RUFY3: variants seen among roughly 807,000 people sequenced by gnomAD.
RUFY3 encodes the protein RUN and FYVE domain containing 3.
Under a neutral mutation model 84.0 loss-of-function variants are expected in RUFY3, and 34 were observed. The ratio of observed to expected loss-of-function variants is 0.40; its 90% CI spans 0.31 to 0.54. RUFY3 has a LOEUF of 0.54. RUFY3 is among the 20% of genes least tolerant of loss of function. The probability of loss-of-function intolerance (pLI) is 0.39; values close to 1 mark genes in which losing one functional copy is unlikely to be tolerated. For synonymous variants in RUFY3, 242 were observed against 252.9 expected, an observed-to-expected ratio of 0.96 and a Z score of 0.41; for missense variants, 507 against 736.8, an observed-to-expected ratio of 0.69 and a Z score of 3.61.
chr4:70,756,772 A>T (rs1203525690), intron 1 of RUFY3, among the ~76,000 whole-genome samples: 1 of 152,172 alleles, frequency 6.6e-6, no homozygotes, highest in Non-Finnish European at 1.5e-5. Flanking sequence ...TATCCTGTAT[A>T]TACCATTGTT....
At chr4:70,727,702 G>A (rs1056028833) in intron 1 of RUFY3, among the ~76,000 whole-genome samples, 8 of 149,928 alleles carry the variant, frequency 5.3e-5, no homozygotes, top group African/African-American at 1.5e-4. Flanking sequence ...CAGGAGAATC[G>A]CTTGAACCCA....
chr4:70,806,611 T>A lies in RUFY3; in HGVS notation c.1815T>A (p.Asn605Lys). The A allele has an allele frequency of 6.2e-7, 1 of 1,614,152 alleles. No individual in the cohort carries two copies. Among genetic ancestry groups the A allele is most frequent in the South Asian group, 1.1e-5 (1 of 91,086 alleles). Residue 605 changes from asparagine to lysine, a missense_variant, in exon 18 of 18, where the codon AAT becomes AAA. Transcript: ENST00000381006. The part of the protein sequence containing the change: ...PSSIKLERVC[N>K]PCHKHLMKQY... ...GTATCAAGCTTGAGCGAGTTTGCAA[T>A]CCCTGTCACAAGCATCTGATGAAGC...
intron 12 of RUFY3, chr4:70,791,192 C>A: frequency 6.4e-7 from 1 of 1,574,434 alleles, no homozygotes. Context: ...TCTCATTCTC[C>A]TTTCACTTCA....
Position 70,722,375 on chromosome 4 carries a change from A to G in RUFY3, c.-199A>G. On this transcript the variant is annotated 5_prime_UTR_variant, in exon 1 of 18. Coordinates refer to ENST00000381006, the MANE Select transcript of RUFY3 (RefSeq NM_001037442.4). ...TCTATAAGATAGTGTAGAATTGTTT[A>G]TCTTGAGCAGTTTGTTCTTAACCTA... The G allele has an allele frequency of 2.3e-6, 3 of 1,322,922 alleles. No individual in the cohort carries two copies. The highest frequency in any genetic ancestry group is 2.9e-6 in the Non-Finnish European group (3 of 1,036,646). The allele number at this position is 1,322,922 out of a possible 1,614,324, so 81.9% of individuals were successfully genotyped here.
intron 1 of RUFY3, chr4:70,741,814 A>T (rs1721364103): frequency 1.7e-6 from 1 of 594,294 alleles, no homozygotes; most frequent in Non-Finnish European, 2.6e-6. Flanking sequence ...TGGAAATCTT[A>T]ATGTTTTGGT....
intron 17 of RUFY3, among the ~76,000 whole-genome samples, chr4:70,806,166 G>T (rs1242167676): frequency 1.3e-5 from 2 of 152,144 alleles, no homozygotes; most frequent in African/African-American, 2.4e-5. Flanking sequence ...CTCTTTCACT[G>T]CCTTATTTGG....
chr4:70,741,898 G>T (rs1407789025), intron 1 of RUFY3, among the ~76,000 whole-genome samples: 3 of 152,154 alleles, frequency 2.0e-5, no homozygotes, highest in Non-Finnish European at 4.4e-5. Flanking sequence ...GTTTAAAAGG[G>T]ACATTATTTC....
At chr4:70,778,264 T>G in intron 7 of RUFY3, 105 bp from the exon 8 acceptor site, 1 of 457,758 alleles carries the variant, frequency 2.2e-6, no homozygotes, top group East Asian at 3.5e-5. Context: ...AATAAAAAAT[T>G]ATGAACATTA....
At chr4:70,742,012 T>C (rs1721393472) in intron 1 of RUFY3, among the ~76,000 whole-genome samples, 1 of 152,222 alleles carries the variant, frequency 6.6e-6, no homozygotes, top group African/African-American at 2.4e-5. Context: ...TTCTGTGAAT[T>C]TCACAGCAGC....
chr4:70,773,437 T>C (rs75095549), intron 5 of RUFY3, 74 bp from the exon 6 acceptor site: 2 of 1,023,542 alleles, frequency 2.0e-6, no homozygotes, highest in Non-Finnish European at 3.0e-6. Context: ...TTTGAGTGCC[T>C]AGAAGGAGAC....
At chr4:70,750,465 A>T (rs1722943433) in intron 1 of RUFY3, among the ~76,000 whole-genome samples, 1 of 152,172 alleles carries the variant, frequency 6.6e-6, no homozygotes, top group Admixed American at 6.5e-5. Context: ...GAATCAAGAA[A>T]CATACAAGTT....
chr4:70,744,600 C>T (rs1316334780), intron 1 of RUFY3, among the ~76,000 whole-genome samples: 4 of 150,566 alleles, frequency 2.7e-5, no homozygotes, highest in Admixed American at 6.6e-5. Context: ...TTGAACTGGT[C>T]GTTGTTTTTG....
intron 12 of RUFY3, among the ~76,000 whole-genome samples, chr4:70,790,380 C>T (rs1020149555): frequency 2.0e-5 from 3 of 152,206 alleles, no homozygotes; most frequent in Admixed American, 2.0e-4. Flanking sequence ...CTGTTTGTCA[C>T]CCTTCTTGCA....
chr4:70,750,670 T>A (rs1722986035), intron 1 of RUFY3, among the ~76,000 whole-genome samples: 2 of 152,148 alleles, frequency 1.3e-5, no homozygotes, highest in African/African-American at 4.8e-5. Context: ...AAAAAGAAAC[T>A]CTGTACCCAT....
At chr4:70,766,410 A>AC (rs1157583639) in intron 4 of RUFY3, among the ~76,000 whole-genome samples, 2 of 151,520 alleles carry the variant, frequency 1.3e-5, no homozygotes, top group Non-Finnish European at 2.9e-5. Flanking sequence ...ACACCTGGCT[A>AC]ATTTTTGTAT....
intron 7 of RUFY3, among the ~76,000 whole-genome samples, 187 bp from the exon 8 acceptor site, chr4:70,778,182 C>T (rs183706188): frequency 5.9e-5 from 9 of 152,026 alleles, no homozygotes; most frequent in Admixed American, 5.2e-4. Context: ...TGCAGGGAGC[C>T]GAGAATCGCA....
intron 1 of RUFY3, among the ~76,000 whole-genome samples, chr4:70,725,984 TTA>T (rs1718165900): frequency 6.6e-6 from 1 of 152,214 alleles, no homozygotes; most frequent in Non-Finnish European, 1.5e-5. Flanking sequence ...TACTGGTGCT[TTA>T]TGTCTGGGAG....
At chr4:70,714,001 T>C (rs1741291503) in intron 1 of RUFY3, among the ~76,000 whole-genome samples, 1 of 152,238 alleles carries the variant, frequency 6.6e-6, no homozygotes, top group Non-Finnish European at 1.5e-5. Flanking sequence ...TGACATTTAC[T>C]TACTGCTTAC....
intron 1 of RUFY3, among the ~76,000 whole-genome samples, chr4:70,736,088 A>T (rs868629212): frequency 7.3e-5 from 11 of 151,326 alleles, no homozygotes; most frequent in African/African-American, 1.9e-4. Context: ...CAGCAGGTCA[A>T]GGCTGCTGTG....
Sources: gnomAD v4.1 joint callset for allele counts (sites outside exome capture counted in the v4.1 genomes callset) on GRCh38, gnomAD v4.1.1 for gene constraint, MANE v1.5 for transcripts, NCBI Gene and HGNC (gene_info 2026-07-23, HGNC 2026-07-21) for gene names.